The following NAA35 variants were observed in gnomAD, a reference collection of about 807,000 sequenced individuals.
NAA35 encodes N-alpha-acetyltransferase 35, NatC auxiliary subunit.
NAA35 carries 18 observed loss-of-function variants against 101.7 expected under a neutral mutation model. The ratio of observed to expected loss-of-function variants is 0.18; its 90% confidence interval spans 0.12 to 0.26. NAA35 has a LOEUF of 0.26. NAA35 is among the 10% of genes least tolerant of loss of function. The pLI, the probability that NAA35 is intolerant of heterozygous loss-of-function variation, is 1.00. For missense variants in NAA35, 601 were observed against 886.8 expected (o/e 0.68, Z 4.09); for synonymous variants, 267 against 273.1 (o/e 0.98, Z 0.22).
intron 11 of NAA35, among the ~76,000 whole-genome samples, chr9:85,980,221 G>T (rs1171175529): frequency 1.3e-5 from 2 of 152,178 alleles, no homozygotes; most frequent in African/African-American, 4.8e-5. Flanking sequence ...CACATGTTCA[G>T]ATATCTGGAA....
chr9:85,973,663 G>C (rs955578638), intron 6 of NAA35, among the ~76,000 whole-genome samples: 13 of 152,026 alleles, frequency 8.6e-5, no homozygotes, highest in African/African-American at 2.4e-4. Context: ...TTTTGGAGAT[G>C]TAAAATTTGA....
rs555358919 is a variant in NAA35 at position 86,005,117 on chromosome 9, T to C, written c.1116+1473T>C. ...AGATGTAAAAATCTTCAATAAATTA[T>C]TAATAAATCAAATTCAACAATATAT... On this transcript the variant is annotated intron_variant, in intron 13 of 22. Transcript: ENST00000361671. Among the ~76,000 whole-genome samples, 7 of 152,242 alleles carry C rather than the reference T, an allele frequency of 4.6e-5. No homozygotes were observed. The South Asian group carries it at 1.2e-3, about 27-fold the overall frequency.
At chr9:85,992,300 A>G (rs1830953679) in intron 11 of NAA35, among the ~76,000 whole-genome samples, 1 of 152,184 alleles carries the variant, frequency 6.6e-6, no homozygotes, top group African/African-American at 2.4e-5. Context: ...CAAAGTAAAT[A>G]ATTCTGACAG....
intron 6 of NAA35, among the ~76,000 whole-genome samples, chr9:85,969,634 T>C (rs1375617271): frequency 6.6e-6 from 1 of 152,088 alleles, no homozygotes; most frequent in East Asian, 1.9e-4. Context: ...TTAATTCTTT[T>C]CAGCCAGATC....
At chr9:85,950,692 C>T (rs1190857789) in intron 2 of NAA35, among the ~76,000 whole-genome samples, 2 of 152,168 alleles carry the variant, frequency 1.3e-5, no homozygotes, top group Non-Finnish European at 1.5e-5. Context: ...CACATTTACC[C>T]TAAATACATG....
chr9:86,010,715 C>G (rs1360963962), intron 15 of NAA35, among the ~76,000 whole-genome samples: 1 of 151,082 alleles, frequency 6.6e-6, no homozygotes, highest in African/African-American at 2.4e-5. Context: ...GCTGGGACTA[C>G]AGGCGCCGCC....
Position 85,941,549 on chromosome 9 carries a change from C to T in NAA35, c.-6+276C>T, listed in dbSNP as rs961933706. 4.1e-6 allele frequency: 4 copies of T among 985,506 alleles called. No homozygotes were observed. The African/African-American group carries it at 5.2e-5, about 13-fold the overall frequency. 61.0% of individuals were successfully genotyped at this position (985,506 alleles called of 1,614,324 possible). On this transcript the variant is annotated intron_variant, in intron 1 of 22. Coordinates refer to ENST00000361671, the MANE Select transcript of NAA35 (RefSeq NM_024635.4). ...TCCTTGCTTATGCGCCCAGTGGGAC[C>T]GGGGCTGGGCTGGGCTGACCCGGGC...
intron 2 of NAA35, among the ~76,000 whole-genome samples, chr9:85,946,920 T>C (rs1381953923): frequency 6.6e-5 from 10 of 152,216 alleles, no homozygotes; most frequent in Non-Finnish European, 1.0e-4. Flanking sequence ...TCTTGCCTCT[T>C]GTAAAACTTG....
Position 85,977,469 on chromosome 9 carries a change from G to A in NAA35, c.762+23G>A, listed in dbSNP as rs1274410207. ...GAGGTAAGGGCATTCAATATAATAT[G>A]TCTATTTGTTTTAGTGATTTTGGCT... On this transcript the variant is annotated intron_variant, in intron 10 of 22. Transcript: ENST00000361671. 5 of 1,524,118 alleles carry A rather than the reference G, an allele frequency of 3.3e-6. No homozygotes were observed. The South Asian group carries it at 3.4e-5, about 10-fold the overall frequency. 94.4% of individuals were successfully genotyped at this position (1,524,118 alleles called of 1,614,324 possible).
chr9:86,017,489 T>C lies in NAA35; in HGVS notation c.1706-9T>C. 1 of 1,613,056 alleles carries C rather than the reference T, an allele frequency of 6.2e-7. No individual in the cohort carries two copies. The highest frequency in any genetic ancestry group is 8.5e-7 in the Non-Finnish European group (1 of 1,179,236). ...TTATGGAAGATTACGTTTTTCTTTC[T>C]AATTACAGTTCGCCCATTGAGCCGA... On this transcript the variant is annotated splice_polypyrimidine_tract_variant and intron_variant, in intron 18 of 22. Transcript: ENST00000361671.
intron 14 of NAA35, 144 bp from the exon 15 acceptor site, chr9:86,009,721 T>G: frequency 1.6e-6 from 1 of 613,604 alleles, no homozygotes. Context: ...TATTTCTTAA[T>G]CTAATACTGA....
intron 6 of NAA35, among the ~76,000 whole-genome samples, chr9:85,965,573 G>T (rs148692221): frequency 6.6e-6 from 1 of 152,188 alleles, no homozygotes; most frequent in East Asian, 1.9e-4. Context: ...AGGCTGCAGT[G>T]AGCTGTGATT....
At chr9:85,951,152 AT>A (rs1233154328) in intron 2 of NAA35, among the ~76,000 whole-genome samples, 1 of 151,954 alleles carries the variant, frequency 6.6e-6, no homozygotes, top group Admixed American at 6.6e-5. Context: ...AAAAAAAAAA[AT>A]GATAACCCGT....
chr9:85,978,370 C>G lies in NAA35; in HGVS notation c.866C>G (p.Thr289Ser). Residue 289 changes from threonine (T) to serine (S), a missense_variant, in exon 11 of 23, where the codon ACT becomes AGT. By Grantham distance (58) the Thr-to-Ser change is moderately conservative. Coordinates refer to ENST00000361671, the MANE Select transcript of NAA35 (RefSeq NM_024635.4). ...CATGGCATCCAGGCCCAGAATGATA[C>G]TACAAAAGGAGGTAATTGTTCAATT... ...LHHGIQAQND[T>S]TKGDHPIMMG... 6.3e-7 allele frequency: 1 copy of G among 1,596,014 alleles called. No individual in the cohort carries two copies. The highest frequency in any genetic ancestry group is 8.6e-7 in the Non-Finnish European group (1 of 1,163,736).
chr9:85,959,976 T>TG, intron 5 of NAA35, 109 bp downstream of exon 5: 1 of 721,784 alleles, frequency 1.4e-6, no homozygotes, highest in Middle Eastern at 2.8e-4. Context: ...ATGTAATACT[T>TG]GCCCTAGTAA....
At chr9:85,995,862 T>C (rs898288248) in intron 11 of NAA35, among the ~76,000 whole-genome samples, 5 of 152,144 alleles carry the variant, frequency 3.3e-5, no homozygotes, top group African/African-American at 4.8e-5. Flanking sequence ...CTTTAAAATA[T>C]TGTGGATTTC....
At chr9:85,964,406 T>C (rs1027645201) in intron 6 of NAA35, among the ~76,000 whole-genome samples, 15 of 152,224 alleles carry the variant, frequency 9.9e-5, no homozygotes, top group African/African-American at 3.6e-4. Context: ...AAAAGGGCAC[T>C]GTCCTGCAGA....
chr9:85,953,997 A>G (rs1274958219), intron 2 of NAA35, among the ~76,000 whole-genome samples: 3 of 152,192 alleles, frequency 2.0e-5, no homozygotes, highest in Non-Finnish European at 4.4e-5. Flanking sequence ...TGAGCATACG[A>G]GTACCTCTTT....
intron 11 of NAA35, chr9:85,986,833 C>T (rs931316706): frequency 2.7e-5 from 6 of 223,564 alleles, no homozygotes; most frequent in Non-Finnish European, 5.4e-5. Context: ...TCAAGTGATC[C>T]GCCCTCCTTG....
Sources: gnomAD v4.1 joint callset for allele counts (sites outside exome capture counted in the v4.1 genomes callset) on GRCh38, gnomAD v4.1.1 for gene constraint, MANE v1.5 for transcripts, NCBI Gene and HGNC (gene_info 2026-07-23, HGNC 2026-07-21) for gene names.